Variants in NRF1 observed in about 807,000 individuals in gnomAD.
NRF1 encodes nuclear respiratory factor 1.
In NRF1, 5 loss-of-function variants were observed where a neutral mutation model predicts 58.5. The observed-to-expected ratio is 0.09, with a 90% CI of 0.04 to 0.18. NRF1 has a LOEUF of 0.18. Among genes scored for constraint, NRF1 ranks in the 10% least tolerant of loss-of-function variants. The pLI, the probability that NRF1 is intolerant of heterozygous loss-of-function variation, is 1.00. For synonymous variants in NRF1, 224 were observed against 246.7 expected, an observed-to-expected ratio of 0.91 and a Z score of 0.86; for missense variants, 288 against 657.7, an observed-to-expected ratio of 0.44 and a Z score of 6.15.
At chr7:129,658,459 G>A (rs1801707738) in intron 2 of NRF1, among the ~76,000 whole-genome samples, 1 of 151,920 alleles carries the variant, frequency 6.6e-6, no homozygotes, top group Non-Finnish European at 1.5e-5. Flanking sequence ...GTGGTGACGT[G>A]CTCCCTAGTC....
intron 8 of NRF1, 64 bp from the exon 9 acceptor site, chr7:129,717,155 A>T (rs1457391758): frequency 6.6e-7 from 1 of 1,504,122 alleles, no homozygotes; most frequent in African/African-American, 1.4e-5. Context: ...TTATTAGAAA[A>T]ATTACTTGTA....
At chr7:129,616,650 A>C (rs1161388920) in intron 1 of NRF1, among the ~76,000 whole-genome samples, 1 of 152,206 alleles carries the variant, frequency 6.6e-6, no homozygotes, top group Non-Finnish European at 1.5e-5. Context: ...TAATCTCTTG[A>C]GGCAAATCTG....
At chr7:129,642,109 G>A (rs1801304387) in intron 1 of NRF1, among the ~76,000 whole-genome samples, 1 of 152,096 alleles carries the variant, frequency 6.6e-6, no homozygotes, top group Non-Finnish European at 1.5e-5. Context: ...CTCCCTAGTA[G>A]CTGGGATTAC....
chr7:129,718,193 GA>G (rs1803235007), intron 9 of NRF1, among the ~76,000 whole-genome samples: 1 of 152,144 alleles, frequency 6.6e-6, no homozygotes, highest in South Asian at 2.1e-4. Flanking sequence ...CTTCATTCCT[GA>G]TGCAATTTTA....
chr7:129,627,436 G>T (rs56271323), intron 1 of NRF1, among the ~76,000 whole-genome samples: 28,725 of 151,742 alleles, frequency 0.19, 2,994 homozygotes, highest in East Asian at 0.47. Flanking sequence ...GCCCAGGCTG[G>T]TCTCAAACTC....
At chr7:129,620,595 A>C (rs949022831) in intron 1 of NRF1, among the ~76,000 whole-genome samples, 43 of 152,014 alleles carry the variant, frequency 2.8e-4, no homozygotes, top group Non-Finnish European at 5.4e-4. Flanking sequence ...ACCATATTGG[A>C]CAGGCTGGTC....
chr7:129,653,683 C>T (rs1801588736), intron 1 of NRF1, among the ~76,000 whole-genome samples: 1 of 152,172 alleles, frequency 6.6e-6, no homozygotes, highest in Non-Finnish European at 1.5e-5. Flanking sequence ...TTTTTACCGT[C>T]CCCATAGTTT....
chr7:129,625,253 C>G (rs1800887494), intron 1 of NRF1, among the ~76,000 whole-genome samples: 1 of 152,148 alleles, frequency 6.6e-6, no homozygotes, highest in Admixed American at 6.5e-5. Context: ...TTAGAACCCA[C>G]CTAGATATTT....
At chr7:129,673,760 G>C (rs117300234) in intron 3 of NRF1, among the ~76,000 whole-genome samples, 7,008 of 149,302 alleles carry the variant, frequency 0.047, 239 homozygotes, top group Non-Finnish European at 0.071. Flanking sequence ...GATGGGTGCA[G>C]CAGACCACCA....
intron 10 of NRF1, among the ~76,000 whole-genome samples, chr7:129,730,398 T>C (rs1455478879): frequency 6.6e-6 from 1 of 152,132 alleles, no homozygotes; most frequent in East Asian, 1.9e-4. Flanking sequence ...AGGTGCTGTT[T>C]GTTGACATAG....
intron 5 of NRF1, among the ~76,000 whole-genome samples, chr7:129,691,361 A>ATTTTTTTTTTTTTT (rs752895743): frequency 1.1e-5 from 1 of 90,884 alleles, no homozygotes; most frequent in Non-Finnish European, 2.2e-5. Context: ...TATTATTATT[A>ATTTTTTTTTTTTTT]TTATTTTTTT....
At chr7:129,633,906 G>A (rs1476144513) in intron 1 of NRF1, 6 of 151,054 alleles carry the variant, frequency 4.0e-5, no homozygotes, top group African/African-American at 4.9e-5. Context: ...AAAGTATTCA[G>A]CATTATATAA....
rs3042950 is a variant in NRF1 at position 129,662,383 on chromosome 7, AGTGTGTGTGTGTGTGT to A, written c.223+4834_223+4849del. Among the ~76,000 whole-genome samples, 307 of 145,854 alleles carry A rather than the reference AGTGTGTGTGTGTGTGT, an allele frequency of 2.1e-3. 2 individuals carry two copies. The highest frequency in any genetic ancestry group is 3.2e-3 in the Non-Finnish European group (211 of 66,180). Reference sequence around the variant, plus strand: ...TTTTTCCTCCAGTTTTAGAATTTCTAGTGTGTGTGTGTGTGTGTGTGTGTGTGTGTGTGTGTGTGTT... The same window carrying A: ...TTTTTCCTCCAGTTTTAGAATTTCTAGTGTGTGTGTGTGTGTGTGTGTGTT... On this transcript the variant is annotated intron_variant, in intron 2 of 10. Coordinates refer to ENST00000393232, the MANE Select transcript of NRF1 (RefSeq NM_005011.5).
At chr7:129,625,802 C>A (rs1461680272) in intron 1 of NRF1, among the ~76,000 whole-genome samples, 3 of 151,772 alleles carry the variant, frequency 2.0e-5, no homozygotes, top group African/African-American at 4.8e-5. Context: ...CTGCCTCAGC[C>A]TCCCGAGTAG....
At chr7:129,720,005 T>C (rs1420489841) in intron 9 of NRF1, among the ~76,000 whole-genome samples, 26 of 152,184 alleles carry the variant, frequency 1.7e-4, no homozygotes, top group Admixed American at 1.6e-3. Flanking sequence ...CCAGGGCTTG[T>C]TTCTAAAGGC....
intron 1 of NRF1, among the ~76,000 whole-genome samples, chr7:129,649,378 G>A (rs1801483506): frequency 6.6e-6 from 1 of 151,980 alleles, no homozygotes; most frequent in Non-Finnish European, 1.5e-5. Flanking sequence ...CAGTTCTTGT[G>A]GTTTTTCTTT....
At chr7:129,746,858 C>G (rs991521480) in intron 10 of NRF1, among the ~76,000 whole-genome samples, 1 of 152,208 alleles carries the variant, frequency 6.6e-6, no homozygotes, top group Admixed American at 6.5e-5. Flanking sequence ...CTCTTTTTCT[C>G]TCAACAGCCA....
In NRF1 at chr7:129,679,628, C is replaced by G. The variant is rs181188902; in HGVS notation, c.465+1870C>G. Reference sequence around the variant, plus strand: ...GTCCCAGCTACTCGGGAGGCTGAGGCAGAAGAATCTCTTGAACCCAGGAGG... The same window carrying G: ...GTCCCAGCTACTCGGGAGGCTGAGGGAGAAGAATCTCTTGAACCCAGGAGG... On this transcript the variant is annotated intron_variant, in intron 4 of 10. Transcript: ENST00000393232. Among the ~76,000 whole-genome samples, 300 of 151,906 alleles carry G rather than the reference C, an allele frequency of 2.0e-3. 3 individuals are homozygous for G. Among genetic ancestry groups the G allele is most frequent in the Admixed American group, 0.01 (157 of 15,238 alleles).
At chr7:129,707,270 A>G (rs1464629494) in intron 5 of NRF1, among the ~76,000 whole-genome samples, 2 of 152,194 alleles carry the variant, frequency 1.3e-5, no homozygotes, top group Admixed American at 6.6e-5. Flanking sequence ...CAGGGATTAT[A>G]GGCATGAGCC....
Sources: allele counts gnomAD v4.1 joint callset (sites outside exome capture counted in the v4.1 genomes callset), GRCh38; gene constraint gnomAD v4.1.1; transcripts MANE v1.5; gene names NCBI Gene and HGNC (gene_info 2026-07-23, HGNC 2026-07-21).